SV2C: variants seen among roughly 807,000 people sequenced by gnomAD.
The protein encoded by SV2C is synaptic vesicle glycoprotein 2C.
SV2C carries 49 observed loss-of-function variants against 79.7 expected under a neutral mutation model. That is an observed-to-expected ratio of 0.61 (90% CI 0.49 to 0.78). The LOEUF is 0.78. Ranked by LOEUF, SV2C falls within the 30% of genes least tolerant of loss-of-function variation. The probability of loss-of-function intolerance (pLI) is 0.00; values close to 1 mark genes in which losing one functional copy is unlikely to be tolerated. For missense variants in SV2C, 833 were observed against 912.9 expected, an observed-to-expected ratio of 0.91 and a Z score of 1.13; for synonymous variants, 334 against 333.2, an observed-to-expected ratio of 1.00 and a Z score of -0.03.
the SV2C span, among the ~76,000 whole-genome samples, chr5:75,871,870 T>TTTA: frequency 8.9e-4 from 130 of 146,450 alleles, no homozygotes; most frequent in South Asian, 1.9e-3. Flanking sequence ...TATATATATT[T>TTTA]TTATTATTAT....
At chr5:76,200,368 A>C (rs1744402907) in intron 3 of SV2C, among the ~76,000 whole-genome samples, 3 of 152,248 alleles carry the variant, frequency 2.0e-5, no homozygotes, top group Admixed American at 6.5e-5. Context: ...AGAGAGTCCA[A>C]ACTTTTCATT....
At chr5:75,957,910 A>G in the SV2C span, among the ~76,000 whole-genome samples, 1 of 151,926 alleles carries the variant, frequency 6.6e-6, no homozygotes, top group Non-Finnish European at 1.5e-5. Flanking sequence ...GCATCTTTGG[A>G]CTTTGGATAC....
At chr5:75,921,184 G>A in the SV2C span, 14 of 971,470 alleles carry the variant, frequency 1.4e-5, no homozygotes, top group East Asian at 9.5e-5. Context: ...CCAAGTGCCC[G>A]TGGAACTTGA....
chr5:76,119,373 GA>G (rs144051006), intron 1 of SV2C, among the ~76,000 whole-genome samples: 3,162 of 152,208 alleles, frequency 0.021, 106 homozygotes, highest in African/African-American at 0.071. Flanking sequence ...AAAGAAAGAA[GA>G]AAAACATCTC....
chr5:76,011,244 A>G, the SV2C span, among the ~76,000 whole-genome samples: 4 of 152,176 alleles, frequency 2.6e-5, no homozygotes, highest in Non-Finnish European at 5.9e-5. Context: ...CATCATTAAT[A>G]GAAACTTTGA....
At chr5:75,883,840 T>C in the SV2C span, among the ~76,000 whole-genome samples, 2 of 139,810 alleles carry the variant, frequency 1.4e-5, no homozygotes, top group Non-Finnish European at 3.0e-5. Flanking sequence ...AGTATAATAA[T>C]ATTTAAAAAA....
At chr5:75,872,193 TAAC>T in the SV2C span, among the ~76,000 whole-genome samples, 13 of 150,680 alleles carry the variant, frequency 8.6e-5, no homozygotes, top group South Asian at 2.1e-4. Context: ...GGAAAAATCT[TAAC>T]AAGAAATATA....
the SV2C span, among the ~76,000 whole-genome samples, chr5:75,852,825 C>CAAAAAAAAA: frequency 4.9e-5 from 4 of 81,144 alleles, no homozygotes; most frequent in African/African-American, 8.3e-5. Context: ...GACTCCGTCT[C>CAAAAAAAAA]AAAAAAAAAA....
chr5:76,017,435 C>T, the SV2C span, among the ~76,000 whole-genome samples: 15 of 152,026 alleles, frequency 9.9e-5, no homozygotes, highest in South Asian at 1.2e-3. Flanking sequence ...TACATGTGTG[C>T]ACCACCATAC....
At chr5:76,206,384 G>C (rs912208317) in intron 3 of SV2C, among the ~76,000 whole-genome samples, 1 of 152,148 alleles carries the variant, frequency 6.6e-6, no homozygotes, top group Non-Finnish European at 1.5e-5. Context: ...CAGTTCCAAG[G>C]GAGCTCTCTC....
At chr5:76,317,718 T>G (rs1304580757) in intron 12 of SV2C, among the ~76,000 whole-genome samples, 1 of 152,146 alleles carries the variant, frequency 6.6e-6, no homozygotes, top group Admixed American at 6.5e-5. Context: ...TGGTCCTAGC[T>G]ACTCGAGAGG....
At chr5:76,245,358 G>T (rs56264728) in intron 4 of SV2C, among the ~76,000 whole-genome samples, 66,532 of 151,818 alleles carry the variant, frequency 0.44, 14,852 homozygotes, top group Middle Eastern at 0.49. Context: ...TCCAGGATGG[G>T]GCAAGGACCA....
chr5:76,282,434 CT>C, intron 4 of SV2C, among the ~76,000 whole-genome samples: 1 of 152,310 alleles, frequency 6.6e-6, no homozygotes, highest in South Asian at 2.1e-4. Flanking sequence ...GACCCCAGCT[CT>C]TTTTGTAACA....
chr5:76,181,405 G>A (rs1743726832), intron 2 of SV2C, among the ~76,000 whole-genome samples: 1 of 152,160 alleles, frequency 6.6e-6, no homozygotes, highest in Non-Finnish European at 1.5e-5. Context: ...TTTCACACTA[G>A]GGCTTTCTAT....
chr5:76,036,864 T>C, the SV2C span, among the ~76,000 whole-genome samples: 9 of 152,336 alleles, frequency 5.9e-5, no homozygotes, highest in East Asian at 1.9e-4. Flanking sequence ...CCATTCTCCC[T>C]GTCACTTTCA....
chr5:76,069,402 C>G, the SV2C span, among the ~76,000 whole-genome samples: 1 of 152,180 alleles, frequency 6.6e-6, no homozygotes, highest in Non-Finnish European at 1.5e-5. Flanking sequence ...ATGTTGCACT[C>G]TCTACCTTTC....
chr5:76,292,050 G>A (rs1020256812), intron 8 of SV2C, among the ~76,000 whole-genome samples, 194 bp downstream of exon 8: 1 of 152,108 alleles, frequency 6.6e-6, no homozygotes, highest in Non-Finnish European at 1.5e-5. Flanking sequence ...ATAAAGCTAA[G>A]GTAGCAAAAC....
intron 4 of SV2C, among the ~76,000 whole-genome samples, chr5:76,239,940 C>A (rs991365288): frequency 1.3e-5 from 2 of 152,210 alleles, no homozygotes; most frequent in East Asian, 3.8e-4. Context: ...CCCTTCTTTG[C>A]AACATGATTT....
At chr5:76,067,083 A>G in the SV2C span, among the ~76,000 whole-genome samples, 3 of 152,310 alleles carry the variant, frequency 2.0e-5, no homozygotes, top group South Asian at 6.2e-4. Context: ...ATCTAAATTA[A>G]CTAATACATA....
Sources: allele counts gnomAD v4.1 joint callset (sites outside exome capture counted in the v4.1 genomes callset), GRCh38; gene constraint gnomAD v4.1.1; transcripts MANE v1.5; gene names NCBI Gene and HGNC (gene_info 2026-07-23, HGNC 2026-07-21).